The following FKBP5 variants were observed in gnomAD, a reference collection of about 807,000 sequenced individuals.
FKBP5 encodes peptidyl-prolyl cis-trans isomerase FKBP5.
A neutral mutation model predicts 50.5 loss-of-function variants in FKBP5; 23 were observed. The observed-to-expected ratio is 0.46, with a 90% confidence interval of 0.33 to 0.65. FKBP5 has a LOEUF of 0.65. Ranked by LOEUF, FKBP5 falls within the 30% of genes least tolerant of loss-of-function variation. FKBP5 has a pLI of 0.02. For missense variants in FKBP5, 411 were observed against 553.1 expected, an observed-to-expected ratio of 0.74 and a Z score of 2.58; for synonymous variants, 176 against 190.6, an observed-to-expected ratio of 0.92 and a Z score of 0.63.
intron 5 of FKBP5, among the ~76,000 whole-genome samples, chr6:35,612,405 G>C (rs931653358): frequency 2.0e-5 from 3 of 152,134 alleles, no homozygotes; most frequent in Non-Finnish European, 4.4e-5. Context: ...AAAAGAAAAA[G>C]AGGAGTCAAG....
Position 35,591,205 on chromosome 6 carries a change from C to G in FKBP5, c.681G>C (p.Glu227Asp). 1 of 1,611,038 alleles carries G rather than the reference C, an allele frequency of 6.2e-7. No homozygotes were observed. The highest frequency in any genetic ancestry group is 8.5e-7 in the Non-Finnish European group (1 of 1,178,020). ...LYLGPRYGFG[E>D]AGKPKFGIEP... ...CAATGCCAAATTTAGGCTTCCCTGC[C>G]TCTCCAAAACCATATCTGAAATGGA... Residue 227 changes from glutamate (E) to aspartate (D), a missense_variant, in exon 7 of 11, where the codon GAG (glutamate) becomes GAC (aspartate). By Grantham distance (45) the Glu-to-Asp change is conservative. Around this residue, in one of 3 missense-constraint regions of FKBP5, gnomAD observed 267 missense variants for 405.9 expected, o/e 0.66. Coordinates refer to ENST00000357266, the MANE Select transcript of FKBP5 (RefSeq NM_004117.4).
intron 8 of FKBP5, chr6:35,585,841 G>C: frequency 1.0e-6 from 1 of 985,318 alleles, no homozygotes; most frequent in Non-Finnish European, 1.2e-6. Flanking sequence ...CTCAAATTCT[G>C]AAAACACATG....
chr6:35,584,663 A>G (rs1762546701), intron 8 of FKBP5: 1 of 985,372 alleles, frequency 1.0e-6, no homozygotes, highest in Non-Finnish European at 1.2e-6. Flanking sequence ...AGGTGCCTCC[A>G]GGGAAGTTTT....
chr6:35,638,583 A>C (rs1222473540), intron 2 of FKBP5, among the ~76,000 whole-genome samples: 1 of 151,906 alleles, frequency 6.6e-6, no homozygotes, highest in Non-Finnish European at 1.5e-5. Flanking sequence ...ACGCCTGGCA[A>C]ATTTTTTTAT....
chr6:35,673,073 A>T (rs906273823), intron 1 of FKBP5, among the ~76,000 whole-genome samples: 1 of 152,222 alleles, frequency 6.6e-6, no homozygotes, highest in Non-Finnish European at 1.5e-5. Flanking sequence ...ACATTATATA[A>T]GAGAAAAAAT....
intron 9 of FKBP5, among the ~76,000 whole-genome samples, chr6:35,577,938 C>T (rs1291462474): frequency 1.3e-5 from 2 of 151,840 alleles, no homozygotes; most frequent in Non-Finnish European, 2.9e-5. Context: ...CCTGTAATCC[C>T]AGCTACTTGG....
At chr6:35,696,937 G>C (rs562651964) in intron 2 of FKBP5, among the ~76,000 whole-genome samples, 1 of 152,310 alleles carries the variant, frequency 6.6e-6, no homozygotes, top group South Asian at 2.1e-4. Flanking sequence ...AGGGTGCCAA[G>C]CATTGGTGAG....
intron 1 of FKBP5, among the ~76,000 whole-genome samples, chr6:35,685,453 A>G (rs1001739118): frequency 1.3e-5 from 2 of 152,184 alleles, no homozygotes; most frequent in African/African-American, 4.8e-5. Context: ...GTACTGCAGA[A>G]AAATTTAGAA....
intron 1 of FKBP5, among the ~76,000 whole-genome samples, chr6:35,674,592 C>A (rs1561889070): frequency 6.6e-6 from 1 of 152,226 alleles, no homozygotes; most frequent in Non-Finnish European, 1.5e-5. Context: ...TCCCTTCTCT[C>A]AACTTATTAA....
In FKBP5 at chr6:35,709,247, C is replaced by A. The variant is rs184957353; in HGVS notation, c.-20+11081G>T. On this transcript the variant is annotated intron_variant, in intron 2 of 11. Coordinates refer to the FKBP5 transcript ENST00000536438. ...ACTCCCCCTTATAGAACCATTGGATCTCGTGAGACTTATTCACTATTATGA... is the reference window on the plus strand; with the variant it reads ...ACTCCCCCTTATAGAACCATTGGATATCGTGAGACTTATTCACTATTATGA... Among the ~76,000 whole-genome samples, 38 of 152,274 alleles carry A rather than the reference C, an allele frequency of 2.5e-4. No homozygotes were observed. The East Asian group carries it at 5.6e-3, about 22-fold the overall frequency.
At chr6:35,597,078 T>C (rs1223695308) in intron 6 of FKBP5, among the ~76,000 whole-genome samples, 170 bp downstream of exon 6, 3 of 152,216 alleles carry the variant, frequency 2.0e-5, no homozygotes, top group African/African-American at 7.2e-5. Context: ...CACAAACCTC[T>C]ATGATATTGT....
At chr6:35,619,868 T>C (rs372245429) in intron 4 of FKBP5, among the ~76,000 whole-genome samples, 1 of 152,210 alleles carries the variant, frequency 6.6e-6, no homozygotes, top group Non-Finnish European at 1.5e-5. Flanking sequence ...ACTCACACCA[T>C]GGACCAGAAT....
chr6:35,709,763 C>T (rs1046058588), intron 2 of FKBP5, among the ~76,000 whole-genome samples: 4 of 151,934 alleles, frequency 2.6e-5, no homozygotes, highest in Non-Finnish European at 4.4e-5. Flanking sequence ...GTCATGCAAA[C>T]GCTTTCATTC....
At chr6:35,617,912 T>C (rs930263857) in intron 5 of FKBP5, among the ~76,000 whole-genome samples, 1 of 152,200 alleles carries the variant, frequency 6.6e-6, no homozygotes, top group African/African-American at 2.4e-5. Context: ...AGAAACGGAA[T>C]AGCTTCAGGT....
chr6:35,580,272 A>G (rs1762384330), intron 8 of FKBP5, 51 bp from the exon 9 acceptor site: 1 of 1,433,494 alleles, frequency 7.0e-7, no homozygotes, highest in Non-Finnish European at 9.6e-7. Context: ...GGGGGTACAA[A>G]AGAAAAGCAA....
intron 1 of FKBP5, among the ~76,000 whole-genome samples, chr6:35,646,356 G>A (rs1282349438): frequency 6.6e-6 from 1 of 152,150 alleles, no homozygotes; most frequent in Non-Finnish European, 1.5e-5. Flanking sequence ...GAGTCCATAT[G>A]AAGAGAAGTA....
intron 5 of FKBP5, among the ~76,000 whole-genome samples, chr6:35,608,633 G>T (rs962144289): frequency 1.3e-5 from 2 of 152,128 alleles, no homozygotes; most frequent in African/African-American, 4.8e-5. Flanking sequence ...GCTGCAGTGA[G>T]CCACAACTGT....
chr6:35,712,411 G>C (rs536710185), intron 2 of FKBP5, among the ~76,000 whole-genome samples: 8 of 152,180 alleles, frequency 5.3e-5, no homozygotes, highest in South Asian at 2.1e-4. Context: ...GCCCCAGAAG[G>C]GGGTAAGGAG....
At chr6:35,665,483 G>T (rs1765190187) in intron 1 of FKBP5, among the ~76,000 whole-genome samples, 1 of 151,916 alleles carries the variant, frequency 6.6e-6, no homozygotes, top group Admixed American at 6.6e-5. Flanking sequence ...TAGAGATAGG[G>T]TTTCACTATG....
Sources: allele counts gnomAD v4.1 joint callset (sites outside exome capture counted in the v4.1 genomes callset), GRCh38; gene constraint gnomAD v4.1.1; regional missense constraint gnomAD v4.1.1; transcripts MANE v1.5; gene names NCBI Gene and HGNC (gene_info 2026-07-23, HGNC 2026-07-21).